The following SNX31 variants were observed in gnomAD, a reference collection of about 807,000 sequenced individuals.
SNX31 encodes the protein sorting nexin 31, also known as sorting nexin-31.
A neutral mutation model predicts 65.4 loss-of-function variants in SNX31; 58 were observed. The ratio of observed to expected loss-of-function variants is 0.89; its 90% CI spans 0.72 to 1.10. The LOEUF (loss-of-function observed/expected upper bound fraction) is 1.10. Among genes scored for constraint, SNX31 ranks in the 50% least tolerant of loss-of-function variants. The pLI, the probability that SNX31 is intolerant of heterozygous loss-of-function variation, is 0.00. For synonymous variants in SNX31, 181 were observed against 190.1 expected (o/e 0.95, Z 0.39); for missense variants, 523 against 529.7 (o/e 0.99, Z 0.12).
chr8:100,641,853 C>T (rs188721645), intron 2 of SNX31, among the ~76,000 whole-genome samples: 21 of 149,890 alleles, frequency 1.4e-4, no homozygotes, highest in African/African-American at 4.9e-4. Flanking sequence ...CCGAGGCGGG[C>T]GGATCACGAG....
intron 3 of SNX31, among the ~76,000 whole-genome samples, chr8:100,631,460 T>G (rs1818411978): frequency 7.0e-6 from 1 of 143,244 alleles, no homozygotes; most frequent in Admixed American, 7.2e-5. Context: ...TTTTTTGAGA[T>G]GGAGTCTTGC....
intron 2 of SNX31, among the ~76,000 whole-genome samples, chr8:100,643,017 C>G (rs1011240598): frequency 2.0e-5 from 3 of 152,096 alleles, no homozygotes; most frequent in South Asian, 2.1e-4. Context: ...ATGGCAAAAC[C>G]CCCTCTCTAC....
chr8:100,585,014 G>A (rs111446669), intron 11 of SNX31, among the ~76,000 whole-genome samples: 1 of 151,932 alleles, frequency 6.6e-6, no homozygotes, highest in African/African-American at 2.4e-5. Flanking sequence ...GTGAGCCACC[G>A]TGCCTGGCCC....
At chr8:100,595,715 T>C (rs1815019558) in intron 10 of SNX31, among the ~76,000 whole-genome samples, 1 of 152,040 alleles carries the variant, frequency 6.6e-6, no homozygotes, top group East Asian at 1.9e-4. Flanking sequence ...ATGAAAGGCA[T>C]AAGGTGGAAA....
intron 7 of SNX31, 46 bp from the exon 8 acceptor site, chr8:100,608,609 T>C: frequency 6.3e-7 from 1 of 1,585,598 alleles, no homozygotes; most frequent in Non-Finnish European, 8.7e-7. Flanking sequence ...ACATGGCCCA[T>C]GGGCACACCT....
Position 100,596,645 on chromosome 8 carries a change from A to G in SNX31, c.972T>C (p.Thr324=), listed in dbSNP as rs1459797463. The G allele has an allele frequency of 5.6e-6, 9 of 1,614,014 alleles. No individual in the cohort carries two copies. Among genetic ancestry groups the G allele is most frequent in the Non-Finnish European group, 7.6e-6 (9 of 1,179,882 alleles). The change falls in exon 10 of 14, where the codon ACT becomes ACC. Residue 324 remains threonine (T), a synonymous_variant. Coordinates refer to ENST00000311812, the MANE Select transcript of SNX31 (RefSeq NM_152628.4). Reference sequence around the variant, plus strand: ...AAGGTGCCAAGATACTCACAAGGAAAGTGACCTGCCAGCACTTCACCCTGC... The same window carrying G: ...AAGGTGCCAAGATACTCACAAGGAAGGTGACCTGCCAGCACTTCACCCTGC... ...QMSRVKCWQV[T]FLGTLLDTDG...
rs981447721 is a variant in SNX31 at position 100,625,948 on chromosome 8, C to T, written c.321+4379G>A. 6.6e-6 allele frequency among the ~76,000 whole-genome samples: 1 copy of T among 152,136 alleles called. No individual in the cohort carries two copies. Among genetic ancestry groups the T allele is most frequent in the Non-Finnish European group, 1.5e-5 (1 of 68,020 alleles). On this transcript the variant is annotated intron_variant, in intron 4 of 13. Coordinates refer to ENST00000311812, the MANE Select transcript of SNX31 (RefSeq NM_152628.4). The surrounding 1 kb of genome is among the most constrained non-coding windows in gnomAD (Gnocchi z 4.2). ...TGCTTTTTAAAACCTATATCTTGGC[C>T]AGGCATGGTAGCTCACACCTATAAT...
chr8:100,638,062 T>C (rs927587430), intron 2 of SNX31, among the ~76,000 whole-genome samples: 2 of 151,964 alleles, frequency 1.3e-5, no homozygotes, highest in African/African-American at 4.8e-5. Flanking sequence ...CCCAGCTACT[T>C]GGGAGGCTGA....
chr8:100,642,549 T>C (rs146998431), intron 2 of SNX31, among the ~76,000 whole-genome samples: 1 of 152,298 alleles, frequency 6.6e-6, no homozygotes, highest in East Asian at 1.9e-4. Context: ...TGAGCTGACT[T>C]GTCAAGGAAT....
chr8:100,649,176 C>T, intron 2 of SNX31, 98 bp downstream of exon 2: 19 of 1,208,264 alleles, frequency 1.6e-5, no homozygotes, highest in Non-Finnish European at 2.2e-5. Flanking sequence ...CGTGAAAGGC[C>T]CAGTGTCTTG....
rs369167815 is a variant in SNX31 at position 100,659,152 on chromosome 8, A to C, written c.-58+3990T>G. ...CCTGAGGTCAGGAGTTTAAGACCAG[A>C]CTGGCCAACATGGTGAAACCCCATC... On this transcript the variant is annotated intron_variant, in intron 1 of 5. Transcript: ENST00000520352. Among the ~76,000 whole-genome samples the C allele has an allele frequency of 5.9e-4, 89 of 151,926 alleles. 1 individual carries two copies. Among genetic ancestry groups the C allele is most frequent in the East Asian group, 4.7e-3 (24 of 5,146 alleles).
At chr8:100,583,731 T>C (rs1295445274) in intron 12 of SNX31, among the ~76,000 whole-genome samples, 1 of 152,328 alleles carries the variant, frequency 6.6e-6, no homozygotes, top group East Asian at 1.9e-4. Context: ...GATAAACTTA[T>C]AATAAGATCA....
At chr8:100,645,303 A>G (rs755565221) in intron 2 of SNX31, among the ~76,000 whole-genome samples, 4 of 152,156 alleles carry the variant, frequency 2.6e-5, no homozygotes, top group African/African-American at 4.8e-5. Flanking sequence ...CCTTTCTACT[A>G]TTTCCTTCTT....
chr8:100,598,368 T>C (rs6998352), intron 9 of SNX31, among the ~76,000 whole-genome samples: 4,063 of 152,264 alleles, frequency 0.027, 186 homozygotes, highest in African/African-American at 0.091. Context: ...GTGTCATGCT[T>C]TTGCTACAAC....
rs1303547544 is a variant in SNX31 at position 100,641,575 on chromosome 8, T to A, written c.142-5564A>T. 5.2e-3 allele frequency among the ~76,000 whole-genome samples: 186 copies of A among 35,642 alleles called. 1 individual carries two copies. Among genetic ancestry groups the A allele is most frequent in the African/African-American group, 0.019 (106 of 5,690 alleles). The allele number at this position is 35,642 out of a possible 152,430, so 23.4% of individuals were successfully genotyped here. A position where few individuals can be genotyped will look rare whatever the true frequency, so the allele number is the denominator to read the frequency against. On this transcript the variant is annotated intron_variant, in intron 2 of 13. Coordinates refer to ENST00000311812, the MANE Select transcript of SNX31 (RefSeq NM_152628.4). ...AAAAAAAAAAAAAAAAATATATATA[T>A]ATATATATATATATATATATACACA... is the stretch of plus-strand genomic sequence containing the variant.
At chr8:100,591,891 C>G (rs925079175) in intron 10 of SNX31, among the ~76,000 whole-genome samples, 1 of 152,096 alleles carries the variant, frequency 6.6e-6, no homozygotes, top group Non-Finnish European at 1.5e-5. Context: ...AGAATAAAAT[C>G]TAATGCTCTT....
rs546552473 is a variant in SNX31 at position 100,655,434 on chromosome 8, T to C, written c.-58+7708A>G. On this transcript the variant is annotated intron_variant, in intron 1 of 5. Coordinates refer to the SNX31 transcript ENST00000520352. ...TGGGAGAGACCCTGTGGGAGATCAC[T>C]GAATCATGGGGGCAGTTTCCCCCAT... Among the ~76,000 whole-genome samples the C allele has an allele frequency of 3.5e-4, 54 of 152,304 alleles. 1 individual carries two copies. The highest frequency in any genetic ancestry group is 2.8e-4 in the Non-Finnish European group (19 of 68,012).
At chr8:100,623,222 G>T (rs1040249926) in intron 4 of SNX31, among the ~76,000 whole-genome samples, 6 of 152,060 alleles carry the variant, frequency 3.9e-5, no homozygotes, top group African/African-American at 1.4e-4. Context: ...CAGGAGCAAG[G>T]GTGGGTGGAG....
chr8:100,634,958 G>A (rs1818654990), intron 3 of SNX31, among the ~76,000 whole-genome samples: 1 of 142,336 alleles, frequency 7.0e-6, no homozygotes, highest in African/African-American at 2.9e-5. Flanking sequence ...AGCTTCTCAG[G>A]AAGCTGTGGT....
Sources: allele counts gnomAD v4.1 joint callset (sites outside exome capture counted in the v4.1 genomes callset), GRCh38; gene constraint gnomAD v4.1.1; non-coding constraint Gnocchi (gnomAD v3.1); transcripts MANE v1.5; gene names NCBI Gene and HGNC (gene_info 2026-07-23, HGNC 2026-07-21).